The following VPS41 variants were observed in gnomAD, a reference collection of about 807,000 sequenced individuals.
VPS41 encodes the protein vacuolar protein sorting-associated protein 41 homolog.
VPS41 carries 85 observed loss-of-function variants against 130.9 expected under a neutral mutation model. The ratio of observed to expected loss-of-function variants is 0.65; its 90% CI spans 0.55 to 0.78. The LOEUF (loss-of-function observed/expected upper bound fraction) is 0.78. Among genes scored for constraint, VPS41 ranks in the 30% least tolerant of loss-of-function variants. VPS41 has a pLI of 0.00. For synonymous variants in VPS41, 335 were observed against 332.9 expected (o/e 1.01, Z -0.07); for missense variants, 874 against 1,018.7 (o/e 0.86, Z 1.93).
intron 15 of VPS41, 144 bp from the exon 16 acceptor site, chr7:38,765,805 C>T: frequency 1.8e-6 from 1 of 557,412 alleles, no homozygotes; most frequent in Non-Finnish European, 3.1e-6. Context: ...ATCTCAAGTA[C>T]CAACGAACAT....
At chr7:38,732,979 C>A (rs1463620181) in intron 25 of VPS41, among the ~76,000 whole-genome samples, 1 of 152,188 alleles carries the variant, frequency 6.6e-6, no homozygotes, top group Non-Finnish European at 1.5e-5. Flanking sequence ...AGGCATGAGC[C>A]ATCACGCCCA....
intron 2 of VPS41, among the ~76,000 whole-genome samples, chr7:38,884,563 C>G (rs953928834): frequency 1.3e-5 from 2 of 152,070 alleles, no homozygotes; most frequent in Admixed American, 6.5e-5. Context: ...CTATGTTACC[C>G]AGGCTGGTCT....
intron 22 of VPS41, among the ~76,000 whole-genome samples, chr7:38,751,514 T>C (rs1562571474): frequency 6.6e-6 from 1 of 152,228 alleles, no homozygotes; most frequent in Non-Finnish European, 1.5e-5. Context: ...AACTAGGATC[T>C]TGCATGTATA....
chr7:38,807,425 A>T (rs868799506), intron 7 of VPS41, among the ~76,000 whole-genome samples: 22 of 151,312 alleles, frequency 1.5e-4, no homozygotes, highest in African/African-American at 5.3e-4. Context: ...GGGGGATCCA[A>T]AAGGCTTAAA....
chr7:38,823,226 G>A (rs1391859988), intron 5 of VPS41, among the ~76,000 whole-genome samples: 1 of 152,154 alleles, frequency 6.6e-6, no homozygotes, highest in African/African-American at 2.4e-5. Flanking sequence ...ATAGCTTGAG[G>A]TGACTAGCTA....
intron 10 of VPS41, among the ~76,000 whole-genome samples, chr7:38,787,473 T>C (rs1784460884): frequency 6.6e-6 from 1 of 152,214 alleles, no homozygotes; most frequent in Non-Finnish European, 1.5e-5. Flanking sequence ...GCCCTATGTA[T>C]AGAGAATCTC....
intron 4 of VPS41, among the ~76,000 whole-genome samples, chr7:38,852,684 T>G (rs984325775): frequency 2.0e-5 from 3 of 152,216 alleles, no homozygotes; most frequent in Admixed American, 2.0e-4. Flanking sequence ...AAACAGAGCT[T>G]GTTTAAGAAA....
rs757182322 is a variant in VPS41, at chr7:38,743,560, G to A, written c.1982-18C>T. The stretch of plus-strand genomic sequence containing the variant: ...CATTCGGCCTTGGTGGGGTGAAGAT[G>A]GGAGAAAGAGTTCATTTAAGGTATT... On this transcript the variant is annotated intron_variant, in intron 23 of 28. Transcript: ENST00000310301. 1 of 1,608,212 alleles carries A rather than the reference G, an allele frequency of 6.2e-7. No individual in the cohort carries two copies. The highest frequency in any genetic ancestry group is 2.2e-5 in the East Asian group (1 of 44,792).
At chr7:38,824,539 G>A (rs183791191) in intron 5 of VPS41, among the ~76,000 whole-genome samples, 5 of 152,128 alleles carry the variant, frequency 3.3e-5, no homozygotes, top group East Asian at 3.9e-4. Flanking sequence ...ACCAGAACCC[G>A]GATTTTCTAA....
intron 27 of VPS41, chr7:38,728,225 G>C (rs574116553): frequency 1.9e-6 from 1 of 525,450 alleles, no homozygotes; most frequent in African/African-American, 1.9e-5. Context: ...CTGGGAACTT[G>C]TTAGAAATAT....
chr7:38,907,601 T>C (rs1006540804), intron 1 of VPS41, among the ~76,000 whole-genome samples: 2 of 152,212 alleles, frequency 1.3e-5, no homozygotes, highest in African/African-American at 4.8e-5. Flanking sequence ...AATGTACAAA[T>C]GTGAAACATT....
chr7:38,841,290 C>T (rs1326507074), intron 4 of VPS41, among the ~76,000 whole-genome samples: 3 of 152,248 alleles, frequency 2.0e-5, no homozygotes, highest in Non-Finnish European at 2.9e-5. Flanking sequence ...ACATGACTCA[C>T]TATTCTCTTG....
At chr7:38,897,194 C>CA (rs60717646) in intron 2 of VPS41, among the ~76,000 whole-genome samples, 32,706 of 116,008 alleles carry the variant, frequency 0.28, 5,315 homozygotes, top group South Asian at 0.49. Context: ...AACTCTGTCT[C>CA]AAAAAAAAAA....
intron 13 of VPS41, among the ~76,000 whole-genome samples, chr7:38,771,739 T>C (rs1784157072): frequency 6.6e-6 from 1 of 152,204 alleles, no homozygotes; most frequent in East Asian, 1.9e-4. Flanking sequence ...TCTGATTTTG[T>C]TTTTATTTTG....
At chr7:38,790,135 G>A (rs942277964) in intron 9 of VPS41, among the ~76,000 whole-genome samples, 6 of 152,114 alleles carry the variant, frequency 3.9e-5, no homozygotes, top group African/African-American at 1.4e-4. Flanking sequence ...ACTAATCCAA[G>A]TACAACTTCT....
At chr7:38,811,634 CAGAT>C (rs1384507416) in intron 7 of VPS41, among the ~76,000 whole-genome samples, 1 of 144,028 alleles carries the variant, frequency 6.9e-6, no homozygotes, top group African/African-American at 2.6e-5. Context: ...TCCATATATA[CAGAT>C]AGATAGATAT....
chr7:38,879,267 T>G (rs1786552336), intron 2 of VPS41, among the ~76,000 whole-genome samples: 1 of 152,216 alleles, frequency 6.6e-6, no homozygotes, highest in Non-Finnish European at 1.5e-5. Flanking sequence ...TGCCTGGTTT[T>G]GCTTCCCCAT....
At chr7:38,815,195 G>C (rs192801428) in intron 7 of VPS41, among the ~76,000 whole-genome samples, 2 of 152,252 alleles carry the variant, frequency 1.3e-5, no homozygotes, top group African/African-American at 2.4e-5. Context: ...AGGCCGAGGT[G>C]GGCTGATCAC....
chr7:38,825,776 G>A (rs1321214755), intron 5 of VPS41, among the ~76,000 whole-genome samples: 1 of 152,190 alleles, frequency 6.6e-6, no homozygotes, highest in Non-Finnish European at 1.5e-5. Flanking sequence ...TGTGGTACAT[G>A]TTTTGTTACC....
Sources: gnomAD v4.1 joint callset for allele counts (sites outside exome capture counted in the v4.1 genomes callset) on GRCh38, gnomAD v4.1.1 for gene constraint, MANE v1.5 for transcripts, NCBI Gene and HGNC (gene_info 2026-07-23, HGNC 2026-07-21) for gene names.